The following ALMS1 variants were observed in gnomAD, a reference collection of about 807,000 sequenced individuals.
ALMS1 encodes ALMS1 centrosome and basal body associated protein.
Under a neutral mutation model 352.2 loss-of-function variants are expected in ALMS1, and 271 were observed. That is an observed-to-expected ratio of 0.77 (90% CI 0.70 to 0.85). ALMS1 has a LOEUF of 0.85. Among genes scored for constraint, ALMS1 ranks in the 40% least tolerant of loss-of-function variants. The pLI, the probability that ALMS1 is intolerant of heterozygous loss-of-function variation, is 0.00. For synonymous variants in ALMS1, 1,865 were observed against 1,761.2 expected, an observed-to-expected ratio of 1.06 and a Z score of -1.48; for missense variants, 5,445 against 4,870.7, an observed-to-expected ratio of 1.12 and a Z score of -3.51.
intron 10 of ALMS1, among the ~76,000 whole-genome samples, chr2:73,506,207 G>A (rs1479240560): frequency 1.3e-5 from 2 of 152,156 alleles, no homozygotes; most frequent in African/African-American, 4.8e-5. Context: ...AGTATAGTTT[G>A]AAGTCAGGTA....
chr2:73,385,827 C>A, upstream of ALMS1: 6 of 690,070 alleles, frequency 8.7e-6, no homozygotes, highest in South Asian at 9.5e-5. Flanking sequence ...CCTCCCTCCC[C>A]CCCTCCTCCT....
intron 10 of ALMS1, among the ~76,000 whole-genome samples, chr2:73,491,876 G>T (rs370785805): frequency 6.6e-6 from 1 of 151,978 alleles, no homozygotes; most frequent in East Asian, 1.9e-4. Flanking sequence ...TCTCTCTCCC[G>T]CTCTCCCTCT....
At chr2:73,515,305 A>G (rs1331929512) in intron 10 of ALMS1, among the ~76,000 whole-genome samples, 2 of 151,794 alleles carry the variant, frequency 1.3e-5, no homozygotes, top group Non-Finnish European at 2.9e-5. Context: ...TATTTTATCT[A>G]TTTCCCTTTA....
intron 5 of ALMS1, 52 bp from the exon 6 acceptor site, chr2:73,426,401 G>A: frequency 6.3e-7 from 1 of 1,581,048 alleles, no homozygotes. Context: ...TGTGGGAGCT[G>A]AGCCTAGTTT....
chr2:73,537,962 C>T (rs888171496), intron 12 of ALMS1, among the ~76,000 whole-genome samples: 15 of 152,056 alleles, frequency 9.9e-5, no homozygotes, highest in East Asian at 3.9e-4. Flanking sequence ...ACTATGATTG[C>T]GCCACTGCAG....
rs1407961591 is a variant in ALMS1 at position 73,453,424 on chromosome 2, G to A, written c.6897G>A (p.Lys2299=). 6 of 1,613,276 alleles carry A rather than the reference G, an allele frequency of 3.7e-6. No individual in the cohort carries two copies. Among genetic ancestry groups the A allele is most frequent in the Non-Finnish European group, 3.4e-6 (4 of 1,179,606 alleles). ...ATATTTCATTTATACAATCTAAGAAGGTGGTTTGCTTCAAAGAACCCTCTT... is the reference window on the plus strand; with the variant it reads ...ATATTTCATTTATACAATCTAAGAAAGTGGTTTGCTTCAAAGAACCCTCTT... The part of the protein sequence containing the change: ...ISDISFIQSK[K]VVCFKEPSST... The change falls in exon 8 of 23, where the codon AAG becomes AAA. Residue 2299 remains lysine, a synonymous_variant. Coordinates refer to ENST00000613296, the MANE Select transcript of ALMS1 (RefSeq NM_001378454.1).
At chr2:73,436,228 G>A (rs1424578549) in intron 7 of ALMS1, among the ~76,000 whole-genome samples, 1 of 152,142 alleles carries the variant, frequency 6.6e-6, no homozygotes, top group Admixed American at 6.6e-5. Context: ...GGCCTTCATA[G>A]TTTTGGATGA....
intron 11 of ALMS1, among the ~76,000 whole-genome samples, chr2:73,530,423 G>C (rs1018970412): frequency 6.6e-6 from 1 of 152,194 alleles, no homozygotes; most frequent in Non-Finnish European, 1.5e-5. Flanking sequence ...TACATCCAGG[G>C]CATGCTGATG....
At chr2:73,478,273 A>G (rs951842769) in intron 9 of ALMS1, among the ~76,000 whole-genome samples, 1 of 152,210 alleles carries the variant, frequency 6.6e-6, no homozygotes, top group Non-Finnish European at 1.5e-5. Context: ...GGAAATGGTT[A>G]TGTGAAAATA....
At position 73,534,913 on chromosome 2, in the gene ALMS1, T is replaced by C. The variant is rs759591871; in HGVS notation, c.9871T>C (p.Ser3291Pro). The change falls in exon 12 of 23, where the codon TCC (serine) becomes CCC (proline). Residue 3291 changes from serine to proline, a missense_variant. Physicochemically the swap from Ser to Pro is moderately conservative, Grantham distance 74 (BLOSUM62 -1). Coordinates refer to ENST00000613296, the MANE Select transcript of ALMS1 (RefSeq NM_001378454.1). Reference sequence around the variant, plus strand: ...AAGACAAATTCCTCCATCTCCGGATTCCAAATCAGATACCACCGTTGAAAG... The same window carrying C: ...AAGACAAATTCCTCCATCTCCGGATCCCAAATCAGATACCACCGTTGAAAG... Reference protein sequence around the residue: ...QLRQIPPSPDSKSDTTVESSH... With the variant: ...QLRQIPPSPDPKSDTTVESSH... 74 of 1,613,722 alleles carry C rather than the reference T, an allele frequency of 4.6e-5. No individual in the cohort carries two copies. The highest frequency in any genetic ancestry group is 5.8e-5 in the Non-Finnish European group (69 of 1,179,812).
At chr2:73,425,340 C>T (rs1433811843) in intron 5 of ALMS1, among the ~76,000 whole-genome samples, 1 of 152,122 alleles carries the variant, frequency 6.6e-6, no homozygotes, top group African/African-American at 2.4e-5. Context: ...TTCAGAAGTG[C>T]AACCCAGATT....
intron 9 of ALMS1, 106 bp from the exon 10 acceptor site, chr2:73,489,528 C>T (rs1057238179): frequency 1.5e-6 from 2 of 1,302,226 alleles, no homozygotes; most frequent in Non-Finnish European, 2.2e-6. Context: ...ACATGACCTT[C>T]ATGGTCTAAT....
chr2:73,506,089 G>A (rs1436043186), intron 10 of ALMS1, among the ~76,000 whole-genome samples: 1 of 152,194 alleles, frequency 6.6e-6, no homozygotes, highest in African/African-American at 2.4e-5. Context: ...TCAAAGATCA[G>A]ATGGTTGTAG....
intron 3 of ALMS1, among the ~76,000 whole-genome samples, chr2:73,420,843 A>G (rs1474745299): frequency 6.6e-6 from 1 of 152,218 alleles, no homozygotes; most frequent in African/African-American, 2.4e-5. Flanking sequence ...ATAAGTACTA[A>G]CATTGTGATA....
At chr2:73,414,001 A>T (rs1671130170) in intron 2 of ALMS1, among the ~76,000 whole-genome samples, 1 of 152,150 alleles carries the variant, frequency 6.6e-6, no homozygotes, top group Non-Finnish European at 1.5e-5. Context: ...TGATTATTTC[A>T]GATTCTTGGA....
intron 11 of ALMS1, among the ~76,000 whole-genome samples, chr2:73,529,849 G>T (rs187790339): frequency 6.6e-6 from 1 of 152,114 alleles, no homozygotes; most frequent in Non-Finnish European, 1.5e-5. Flanking sequence ...AGCAAGGCAC[G>T]TCTTACATGG....
At chr2:73,542,041 C>T (rs957386341) in intron 12 of ALMS1, among the ~76,000 whole-genome samples, 2 of 152,106 alleles carry the variant, frequency 1.3e-5, no homozygotes, top group African/African-American at 4.8e-5. Flanking sequence ...ATCCTGATAC[C>T]AAAGCCTGGC....
At chr2:73,441,278 C>G (rs1040761133) in intron 7 of ALMS1, among the ~76,000 whole-genome samples, 1 of 152,168 alleles carries the variant, frequency 6.6e-6, no homozygotes, top group African/African-American at 2.4e-5. Flanking sequence ...ACTTCCCATT[C>G]AATTTTTGCC....
At chr2:73,388,320 C>T (rs1475931655) in intron 1 of ALMS1, among the ~76,000 whole-genome samples, 2 of 152,152 alleles carry the variant, frequency 1.3e-5, no homozygotes, top group Non-Finnish European at 2.9e-5. Context: ...ACGTAATTAA[C>T]ATGGATATAT....
Sources: allele counts gnomAD v4.1 joint callset (sites outside exome capture counted in the v4.1 genomes callset), GRCh38; gene constraint gnomAD v4.1.1; transcripts MANE v1.5; gene names NCBI Gene and HGNC (gene_info 2026-07-23, HGNC 2026-07-21).